ZFAND3: variants seen among roughly 807,000 people sequenced by gnomAD.
ZFAND3 encodes AN1-type zinc finger protein 3.
Under a neutral mutation model 29.6 loss-of-function variants are expected in ZFAND3, and 10 were observed. The observed-to-expected ratio is 0.34, with a 90% CI of 0.21 to 0.57. ZFAND3 has a LOEUF of 0.57. Ranked by LOEUF, ZFAND3 falls within the 20% of genes least tolerant of loss-of-function variation. The pLI, the probability that ZFAND3 is intolerant of heterozygous loss-of-function variation, is 0.86. For missense variants in ZFAND3, 230 were observed against 304.5 expected (o/e 0.76, Z 1.82); for synonymous variants, 128 against 112.6 (o/e 1.14, Z -0.87).
intron 2 of ZFAND3, among the ~76,000 whole-genome samples, chr6:37,935,966 A>G (rs1235700478): frequency 6.6e-6 from 1 of 152,230 alleles, no homozygotes; most frequent in Non-Finnish European, 1.5e-5. Context: ...ACAAAGGTAG[A>G]AATGATACTG....
intron 1 of ZFAND3, among the ~76,000 whole-genome samples, chr6:37,894,572 A>G (rs1027583265): frequency 8.6e-5 from 13 of 151,956 alleles, no homozygotes; most frequent in Non-Finnish European, 1.3e-4. Context: ...GAATCTCTCT[A>G]TGTTGTCCAG....
intron 2 of ZFAND3, among the ~76,000 whole-genome samples, chr6:37,949,156 C>T (rs914706085): frequency 1.3e-5 from 2 of 152,126 alleles, no homozygotes; most frequent in Admixed American, 6.5e-5. Context: ...AATGTTCTGA[C>T]TGGTGTGAGA....
At chr6:37,873,981 T>C (rs1764746824) in intron 1 of ZFAND3, among the ~76,000 whole-genome samples, 1 of 152,228 alleles carries the variant, frequency 6.6e-6, no homozygotes, top group African/African-American at 2.4e-5. Flanking sequence ...TGTATTCATC[T>C]GCCAGGGCTA....
At chr6:38,143,301 G>T (rs1384942614) in intron 5 of ZFAND3, 4 of 152,240 alleles carry the variant, frequency 2.6e-5, no homozygotes, top group Non-Finnish European at 5.9e-5. Flanking sequence ...AATGGCATGT[G>T]TACAAACTGC....
intron 2 of ZFAND3, among the ~76,000 whole-genome samples, chr6:38,006,533 A>G (rs1004587203): frequency 6.6e-6 from 1 of 152,150 alleles, no homozygotes; most frequent in East Asian, 1.9e-4. Flanking sequence ...GCAGCTAAGC[A>G]TGGCTTCTTT....
chr6:37,918,891 C>T (rs1469715886), intron 1 of ZFAND3, among the ~76,000 whole-genome samples: 1 of 150,406 alleles, frequency 6.6e-6, no homozygotes, highest in Non-Finnish European at 1.5e-5. Context: ...TTCTCAGATA[C>T]TTGCTCTTGT....
intron 2 of ZFAND3, among the ~76,000 whole-genome samples, chr6:38,060,171 CTG>C (rs1764206797): frequency 6.6e-6 from 1 of 152,146 alleles, no homozygotes; most frequent in Non-Finnish European, 1.5e-5. Context: ...GTAGGGCTGA[CTG>C]TGGAACCTGA....
chr6:37,905,687 C>T (rs937007367), intron 1 of ZFAND3, among the ~76,000 whole-genome samples: 1 of 152,066 alleles, frequency 6.6e-6, no homozygotes, highest in Non-Finnish European at 1.5e-5. Context: ...AGCTTATTCC[C>T]TTTTATATTT....
chr6:37,848,154 C>T (rs1764216865), intron 1 of ZFAND3, among the ~76,000 whole-genome samples: 1 of 152,186 alleles, frequency 6.6e-6, no homozygotes, highest in Admixed American at 6.5e-5. Flanking sequence ...GAACTTTATC[C>T]TTTCTTTACT....
rs554567409 is a variant in ZFAND3, at chr6:38,050,988, G to A, written c.113-10605G>A. On this transcript the variant is annotated intron_variant, in intron 2 of 5. Transcript: ENST00000287218. ...GACCCTGGTAGGAGATGATGAGGCT[G>A]AGAACTGAGTAGAAATACTCAGGGA... Among the ~76,000 whole-genome samples, 3 of 152,274 alleles carry A rather than the reference G, an allele frequency of 2.0e-5. No homozygotes were observed. The East Asian group carries it at 5.8e-4, about 29-fold the overall frequency.
chr6:37,835,571 TA>T (rs1429903663), intron 1 of ZFAND3, among the ~76,000 whole-genome samples: 1 of 151,998 alleles, frequency 6.6e-6, no homozygotes, highest in Non-Finnish European at 1.5e-5. Flanking sequence ...TTAAAAAAAT[TA>T]TAAAATGAGT....
Position 37,853,791 on chromosome 6 carries a change from A to G in ZFAND3, c.71+33775A>G, listed in dbSNP as rs549133399. Among the ~76,000 whole-genome samples, 90 of 152,330 alleles carry G rather than the reference A, an allele frequency of 5.9e-4. 1 individual carries two copies. Among genetic ancestry groups the G allele is most frequent in the Middle Eastern group, 3.4e-3 (1 of 294 alleles). On this transcript the variant is annotated intron_variant, in intron 1 of 5. Coordinates refer to ENST00000287218, the MANE Select transcript of ZFAND3 (RefSeq NM_021943.3). ...AAACTATTTTATTAGGCACCTGAAT[A>G]AATAAGTAGATTGTATAATAATTCT...
At chr6:38,010,788 A>G (rs943602470) in intron 2 of ZFAND3, among the ~76,000 whole-genome samples, 2 of 151,022 alleles carry the variant, frequency 1.3e-5, no homozygotes, top group African/African-American at 2.4e-5. Flanking sequence ...TTTAGTAGAG[A>G]TGGGGTTTCA....
intron 1 of ZFAND3, among the ~76,000 whole-genome samples, chr6:37,854,043 C>G (rs1229902178): frequency 3.3e-5 from 5 of 152,138 alleles, no homozygotes; most frequent in African/African-American, 7.2e-5. Context: ...CCTCCGCCTC[C>G]TGGGTTCAAG....
At chr6:38,152,109 C>T (rs980146188) in intron 5 of ZFAND3, 126 bp from the exon 6 acceptor site, 1 of 889,282 alleles carries the variant, frequency 1.1e-6, no homozygotes, top group African/African-American at 1.7e-5. Context: ...ATCAGGAACC[C>T]CTGCAGTGAG....
At chr6:37,971,708 G>C (rs1044607180) in intron 2 of ZFAND3, among the ~76,000 whole-genome samples, 45 of 151,890 alleles carry the variant, frequency 3.0e-4, no homozygotes, top group African/African-American at 1.1e-3. Context: ...TTGTTTCCCA[G>C]CTGGGTGCAG....
chr6:37,908,126 G>A (rs1259037864), intron 1 of ZFAND3, among the ~76,000 whole-genome samples: 2 of 151,972 alleles, frequency 1.3e-5, no homozygotes, highest in Non-Finnish European at 2.9e-5. Context: ...AATCTAGAAT[G>A]GTTCCCCTTC....
At chr6:37,865,551 A>G (rs1764575836) in intron 1 of ZFAND3, among the ~76,000 whole-genome samples, 1 of 152,254 alleles carries the variant, frequency 6.6e-6, no homozygotes. Context: ...CTTAAGCCTT[A>G]TCTCTGAAGA....
chr6:38,026,148 G>T (rs1275176428), intron 2 of ZFAND3, among the ~76,000 whole-genome samples: 3 of 152,086 alleles, frequency 2.0e-5, no homozygotes, highest in Non-Finnish European at 4.4e-5. Context: ...AAGTTCTTCA[G>T]CAAACCTCTT....
Sources: allele counts gnomAD v4.1 joint callset (sites outside exome capture counted in the v4.1 genomes callset), GRCh38; gene constraint gnomAD v4.1.1; transcripts MANE v1.5; gene names NCBI Gene and HGNC (gene_info 2026-07-23, HGNC 2026-07-21).